PCDH9: variants seen among roughly 807,000 people sequenced by gnomAD.
PCDH9 encodes protocadherin 9.
PCDH9 carries 24 observed loss-of-function variants against 70.6 expected under a neutral mutation model. The observed-to-expected ratio is 0.34, with a 90% CI of 0.25 to 0.48. The LOEUF is 0.48. Among genes scored for constraint, PCDH9 ranks in the 20% least tolerant of loss-of-function variants. The pLI, the probability that PCDH9 is intolerant of heterozygous loss-of-function variation, is 0.99. For missense variants in PCDH9, 1,281 were observed against 1,503.6 expected (o/e 0.85, Z 2.45); for synonymous variants, 562 against 558.5 (o/e 1.01, Z -0.09).
intron 2 of PCDH9, among the ~76,000 whole-genome samples, chr13:67,021,621 G>A (rs2084673324): frequency 6.6e-6 from 1 of 151,940 alleles, no homozygotes; most frequent in Non-Finnish European, 1.5e-5. Context: ...GTGCAGTGGT[G>A]CGATCTCTGC....
At chr13:67,150,931 C>T (rs1240765363) in intron 2 of PCDH9, among the ~76,000 whole-genome samples, 2 of 152,180 alleles carry the variant, frequency 1.3e-5, no homozygotes, top group African/African-American at 2.4e-5. Flanking sequence ...TTGTAAGTCT[C>T]ACTGCCCAAG....
chr13:66,735,280 C>T (rs963322442), intron 3 of PCDH9, among the ~76,000 whole-genome samples: 2 of 152,148 alleles, frequency 1.3e-5, no homozygotes, highest in Admixed American at 1.3e-4. Context: ...CAAACACTTG[C>T]AAAATCTTGT....
In PCDH9 at chr13:66,705,000, AT is replaced by A. The variant is rs371755039; in HGVS notation, c.3139-73590del. ...AGTATAAAAAAAGTTACATTTGCAA[AT>A]TTTTATTTTTTTGAATTTTAATGTT... is the stretch of plus-strand genomic sequence containing the variant. On this transcript the variant is annotated intron_variant, in intron 3 of 4. Coordinates refer to ENST00000377865, the MANE Select transcript of PCDH9 (RefSeq NM_203487.3). Among the ~76,000 whole-genome samples, 251 of 152,170 alleles carry A rather than the reference AT, an allele frequency of 1.6e-3. 1 individual carries two copies. Among genetic ancestry groups the A allele is most frequent in the Middle Eastern group, 0.01 (3 of 294 alleles).
At chr13:67,194,064 C>T (rs926850607) in intron 2 of PCDH9, among the ~76,000 whole-genome samples, 2 of 152,048 alleles carry the variant, frequency 1.3e-5, no homozygotes, top group Admixed American at 6.5e-5. Flanking sequence ...AGAAGACTAT[C>T]AAAGCAAAAG....
At chr13:66,472,036 C>A (rs1439185481) in intron 4 of PCDH9, among the ~76,000 whole-genome samples, 1 of 151,724 alleles carries the variant, frequency 6.6e-6, no homozygotes, top group East Asian at 1.9e-4. Flanking sequence ...CATGGTGAAA[C>A]CCCGTCTCTA....
chr13:66,940,422 C>T (rs1360702372), intron 2 of PCDH9, among the ~76,000 whole-genome samples: 2 of 151,918 alleles, frequency 1.3e-5, no homozygotes. Context: ...TAAGCGTTTT[C>T]TGTGTTTATA....
intron 3 of PCDH9, among the ~76,000 whole-genome samples, chr13:66,724,998 T>C (rs942167998): frequency 7.2e-5 from 11 of 152,208 alleles, no homozygotes; most frequent in Non-Finnish European, 1.3e-4. Flanking sequence ...ATCATATCTC[T>C]AGCCCATAAT....
chr13:66,806,392 G>A (rs1418251338), intron 3 of PCDH9, among the ~76,000 whole-genome samples: 2 of 152,082 alleles, frequency 1.3e-5, no homozygotes, highest in Non-Finnish European at 2.9e-5. Flanking sequence ...ATCTCTTGCT[G>A]CAGAGTTAGG....
chr13:67,209,725 T>C (rs992670517), intron 2 of PCDH9: 9 of 152,132 alleles, frequency 5.9e-5, no homozygotes, highest in Admixed American at 4.6e-4. Context: ...GACTCATTGA[T>C]GGCAAAACCG....
chr13:66,417,620 C>A (rs531756337), intron 4 of PCDH9, among the ~76,000 whole-genome samples: 11 of 152,296 alleles, frequency 7.2e-5, no homozygotes, highest in African/African-American at 2.6e-4. Context: ...TTTACACTCC[C>A]CCCAACAGTG....
At chr13:66,989,132 C>T (rs9540963) in intron 2 of PCDH9, among the ~76,000 whole-genome samples, 150,776 of 152,028 alleles carry the variant, frequency 0.99, 74,782 homozygotes, top group East Asian at 1. Flanking sequence ...CCATTCCCAA[C>T]CATGGTGAAT....
chr13:67,013,881 A>T lies in PCDH9; in HGVS notation c.3037-110276T>A, dbSNP rs1195876296. Among the ~76,000 whole-genome samples, 5 of 152,198 alleles carry T rather than the reference A, an allele frequency of 3.3e-5. 1 individual carries two copies. The highest frequency in any genetic ancestry group is 4.1e-4 in the South Asian group (2 of 4,822). On this transcript the variant is annotated intron_variant, in intron 2 of 4. Coordinates refer to ENST00000377865, the MANE Select transcript of PCDH9 (RefSeq NM_203487.3). ...ATGAGAGCAGATGACAGACAGTACC[A>T]GAACAATTGTTATCATCACGAGATA... is the stretch of plus-strand genomic sequence containing the variant.
chr13:66,349,275 T>G (rs1039194680), intron 4 of PCDH9, among the ~76,000 whole-genome samples: 6 of 152,100 alleles, frequency 3.9e-5, no homozygotes, highest in South Asian at 2.1e-4. Context: ...ATGCCTTGGT[T>G]GTTGAAGGAA....
chr13:67,005,116 T>C (rs879657129), intron 2 of PCDH9, among the ~76,000 whole-genome samples: 25 of 151,068 alleles, frequency 1.7e-4, no homozygotes, highest in Non-Finnish European at 2.8e-4. Flanking sequence ...AAACTATCAG[T>C]AGAGGAGAGG....
chr13:66,354,713 A>G (rs559092076), intron 4 of PCDH9, among the ~76,000 whole-genome samples: 1 of 152,264 alleles, frequency 6.6e-6, no homozygotes, highest in Non-Finnish European at 1.5e-5. Context: ...TGATTTAGCT[A>G]TGTAATAAAT....
chr13:66,605,542 C>T (rs528277177), intron 4 of PCDH9, among the ~76,000 whole-genome samples: 1 of 152,240 alleles, frequency 6.6e-6, no homozygotes, highest in African/African-American at 2.4e-5. Context: ...AATGAAGCCT[C>T]ATCTATATTT....
intron 4 of PCDH9, among the ~76,000 whole-genome samples, chr13:66,338,365 T>C (rs868182557): frequency 6.6e-6 from 1 of 152,078 alleles, no homozygotes; most frequent in Non-Finnish European, 1.5e-5. Context: ...TAGTGAGTAT[T>C]AATTTAACTT....
chr13:66,591,400 G>T (rs1387376144), intron 4 of PCDH9, among the ~76,000 whole-genome samples: 1 of 150,176 alleles, frequency 6.7e-6, no homozygotes, highest in East Asian at 2.0e-4. Flanking sequence ...CACATTAAAG[G>T]TATAGCAGTA....
At chr13:66,941,648 C>T (rs1229525052) in intron 2 of PCDH9, among the ~76,000 whole-genome samples, 1 of 151,648 alleles carries the variant, frequency 6.6e-6, no homozygotes, top group Admixed American at 6.6e-5. Flanking sequence ...GAAATATTTC[C>T]AGGAATATGA....
Sources: allele counts gnomAD v4.1 joint callset (sites outside exome capture counted in the v4.1 genomes callset), GRCh38; gene constraint gnomAD v4.1.1; transcripts MANE v1.5; gene names NCBI Gene and HGNC (gene_info 2026-07-23, HGNC 2026-07-21).